The following MMP16 variants were observed in gnomAD, a reference collection of about 807,000 sequenced individuals.
MMP16 encodes matrix metallopeptidase 16.
MMP16 carries 12 observed loss-of-function variants against 67.8 expected under a neutral mutation model. That is an observed-to-expected ratio of 0.18 (90% confidence interval 0.11 to 0.29). The LOEUF is 0.29. Ranked by LOEUF, MMP16 falls within the 10% of genes least tolerant of loss-of-function variation. The probability of loss-of-function intolerance (pLI) is 1.00; values close to 1 mark genes in which losing one functional copy is unlikely to be tolerated. For synonymous variants in MMP16, 249 were observed against 255.9 expected, an observed-to-expected ratio of 0.97 and a Z score of 0.26; for missense variants, 475 against 765.7, an observed-to-expected ratio of 0.62 and a Z score of 4.48.
chr8:88,097,161 T>C (rs1030588221), intron 6 of MMP16, among the ~76,000 whole-genome samples: 1 of 151,994 alleles, frequency 6.6e-6, no homozygotes, highest in African/African-American at 2.4e-5. Context: ...AGAGTTTTCA[T>C]AAACTCAATT....
intron 1 of MMP16, among the ~76,000 whole-genome samples, chr8:88,286,091 G>A (rs1004348341): frequency 6.6e-6 from 1 of 152,128 alleles, no homozygotes; most frequent in Non-Finnish European, 1.5e-5. Context: ...GCTCTTTTTA[G>A]TTCTCAACAG....
At chr8:88,321,311 ATT>A (rs548865998) in intron 1 of MMP16, among the ~76,000 whole-genome samples, 101 of 152,260 alleles carry the variant, frequency 6.6e-4, no homozygotes, top group Admixed American at 2.2e-3. Context: ...ACAGATTTAA[ATT>A]TTGAGACACT....
intron 1 of MMP16, among the ~76,000 whole-genome samples, chr8:88,291,725 A>G (rs1019544506): frequency 6.6e-6 from 1 of 152,250 alleles, no homozygotes; most frequent in Non-Finnish European, 1.5e-5. Context: ...AGAATTTTGT[A>G]GAATAACGAT....
intron 4 of MMP16, among the ~76,000 whole-genome samples, chr8:88,128,987 T>C (rs1246749124): frequency 1.3e-5 from 2 of 151,788 alleles, no homozygotes; most frequent in Non-Finnish European, 2.9e-5. Flanking sequence ...AGAAGGGATG[T>C]ACAAATTCCA....
At chr8:88,252,115 AC>A (rs1810234820) in intron 1 of MMP16, among the ~76,000 whole-genome samples, 2 of 139,704 alleles carry the variant, frequency 1.4e-5, no homozygotes, top group Non-Finnish European at 3.1e-5. Flanking sequence ...AACTAGAAAT[AC>A]CATTTGACCC....
At chr8:88,079,811 C>A (rs1394892353) in intron 6 of MMP16, among the ~76,000 whole-genome samples, 1 of 152,166 alleles carries the variant, frequency 6.6e-6, no homozygotes, top group Non-Finnish European at 1.5e-5. Flanking sequence ...GCACTGCCCC[C>A]TCCACTGTGT....
At chr8:88,063,622 C>G (rs1808429087) in intron 7 of MMP16, among the ~76,000 whole-genome samples, 1 of 151,804 alleles carries the variant, frequency 6.6e-6, no homozygotes, top group East Asian at 1.9e-4. Context: ...AGAAAAGTGG[C>G]TGATAATCCA....
At chr8:88,217,516 C>T (rs1288605951) in intron 1 of MMP16, among the ~76,000 whole-genome samples, 1 of 151,998 alleles carries the variant, frequency 6.6e-6, no homozygotes, top group African/African-American at 2.4e-5. Context: ...CAGTTTTCTT[C>T]CTTTCTGCAC....
At chr8:88,187,073 C>T (rs1809087677) in intron 2 of MMP16, among the ~76,000 whole-genome samples, 1 of 152,178 alleles carries the variant, frequency 6.6e-6, no homozygotes, top group Non-Finnish European at 1.5e-5. Flanking sequence ...TTCTAATTTA[C>T]ATAGCAGTCA....
chr8:88,288,921 A>G (rs970973886), intron 1 of MMP16, among the ~76,000 whole-genome samples: 1 of 152,252 alleles, frequency 6.6e-6, no homozygotes, highest in East Asian at 1.9e-4. Context: ...ACAAAAAAGC[A>G]GCAAGACAAA....
chr8:88,290,647 G>A lies in MMP16; in HGVS notation c.132+36428C>T, dbSNP rs571593862. ...AGCTGGAGTGCAGTGATGCGATCAT[G>A]GCTTACTGCAACCTTGACCTCCTAG... On this transcript the variant is annotated intron_variant, in intron 1 of 9. Coordinates refer to ENST00000286614, the MANE Select transcript of MMP16 (RefSeq NM_005941.5). Among the ~76,000 whole-genome samples, 115 of 152,184 alleles carry A rather than the reference G, an allele frequency of 7.6e-4. 1 individual carries two copies. Among genetic ancestry groups the A allele is most frequent in the South Asian group, 2.9e-3 (14 of 4,812 alleles).
intron 1 of MMP16, among the ~76,000 whole-genome samples, chr8:88,319,156 C>T (rs1367456035): frequency 6.6e-6 from 1 of 152,022 alleles, no homozygotes; most frequent in Non-Finnish European, 1.5e-5. Context: ...CATACATAGG[C>T]AAAACAATGA....
chr8:88,062,254 C>A (rs1808408552), intron 7 of MMP16, among the ~76,000 whole-genome samples: 1 of 152,084 alleles, frequency 6.6e-6, no homozygotes, highest in South Asian at 2.1e-4. Context: ...TGTGGCGATT[C>A]CTCAAGGATC....
At chr8:88,180,158 G>A (rs919211277) in intron 3 of MMP16, among the ~76,000 whole-genome samples, 1 of 152,008 alleles carries the variant, frequency 6.6e-6, no homozygotes, top group African/African-American at 2.4e-5. Context: ...GCACACGCCT[G>A]TAATCCCAGC....
intron 8 of MMP16, among the ~76,000 whole-genome samples, chr8:88,055,527 A>C (rs1294145841): frequency 6.6e-6 from 1 of 152,230 alleles, no homozygotes; most frequent in Non-Finnish European, 1.5e-5. Flanking sequence ...GTTTTAAAGT[A>C]ACAATTCTCT....
intron 1 of MMP16, among the ~76,000 whole-genome samples, chr8:88,217,178 A>G (rs887525884): frequency 2.0e-5 from 3 of 152,062 alleles, no homozygotes; most frequent in Non-Finnish European, 2.9e-5. Context: ...GAAATCAGTC[A>G]TTTCTCTAAG....
chr8:88,247,458 G>A (rs1051073557), intron 1 of MMP16, among the ~76,000 whole-genome samples: 3 of 152,192 alleles, frequency 2.0e-5, no homozygotes, highest in Middle Eastern at 3.4e-3. Flanking sequence ...CACGTGGCAC[G>A]TTCAAGTCAG....
intron 1 of MMP16, among the ~76,000 whole-genome samples, chr8:88,294,519 C>T (rs1390322668): frequency 5.0e-5 from 7 of 140,934 alleles, no homozygotes; most frequent in Non-Finnish European, 9.1e-5. Flanking sequence ...TCTACACACA[C>T]ATGTATATGT....
intron 1 of MMP16, among the ~76,000 whole-genome samples, chr8:88,268,957 G>A (rs550968828): frequency 1.3e-5 from 2 of 152,262 alleles, no homozygotes; most frequent in Non-Finnish European, 2.9e-5. Flanking sequence ...AATACAGGAT[G>A]AGTTTCTCAC....
Sources: allele counts gnomAD v4.1 joint callset (sites outside exome capture counted in the v4.1 genomes callset), GRCh38; gene constraint gnomAD v4.1.1; transcripts MANE v1.5; gene names NCBI Gene and HGNC (gene_info 2026-07-23, HGNC 2026-07-21).